The following RPRD1A variants were observed in gnomAD, a reference collection of about 807,000 sequenced individuals.
RPRD1A encodes regulation of nuclear pre-mRNA domain containing 1A.
RPRD1A carries 9 observed loss-of-function variants against 37.8 expected under a neutral mutation model. That is an observed-to-expected ratio of 0.24 (90% CI 0.14 to 0.42). The LOEUF is 0.42. RPRD1A is among the 10% of genes least tolerant of loss of function. The pLI is 1.00. For synonymous variants in RPRD1A, 138 were observed against 139.7 expected, an observed-to-expected ratio of 0.99 and a Z score of 0.08; for missense variants, 255 against 371.0, an observed-to-expected ratio of 0.69 and a Z score of 2.57.
intron 1 of RPRD1A, among the ~76,000 whole-genome samples, chr18:36,035,301 G>C (rs1160844209): frequency 6.9e-6 from 1 of 144,946 alleles, no homozygotes; most frequent in Admixed American, 6.8e-5. Flanking sequence ...CTTTTGAATG[G>C]GTACCTGAAC....
At chr18:36,042,692 G>A (rs894979905) in intron 1 of RPRD1A, among the ~76,000 whole-genome samples, 1 of 152,152 alleles carries the variant, frequency 6.6e-6, no homozygotes, top group Non-Finnish European at 1.5e-5. Flanking sequence ...TGCACAGGAA[G>A]TACAAAGAAA....
intron 6 of RPRD1A, among the ~76,000 whole-genome samples, chr18:36,000,518 G>A (rs994287296): frequency 6.6e-6 from 1 of 152,138 alleles, no homozygotes; most frequent in Non-Finnish European, 1.5e-5. Flanking sequence ...TTTCTGCAAG[G>A]AACCCAATGC....
chr18:36,018,997 T>C (rs1372832981), intron 6 of RPRD1A, among the ~76,000 whole-genome samples: 4 of 151,834 alleles, frequency 2.6e-5, no homozygotes, highest in East Asian at 1.9e-4. Context: ...TTTTAGAACA[T>C]GCTTGATATA....
intron 1 of RPRD1A, among the ~76,000 whole-genome samples, chr18:36,053,741 T>A (rs1913563636): frequency 6.6e-6 from 1 of 152,142 alleles, no homozygotes; most frequent in South Asian, 2.1e-4. Flanking sequence ...GGAGGACAGC[T>A]AGTAGGTAAA....
chr18:36,030,835 A>G lies in RPRD1A; in HGVS notation c.459T>C (p.Ser153=), dbSNP rs764667821. The part of the protein sequence containing the change: ...IKVDENENCS[S]LGSPSEPPQT... ...GTGGTGGTTCACTTGGAGATCCCAG[A>G]GAGGAACAGTTTTCATTTTCATCCA... Residue 153 remains serine, a synonymous_variant, in exon 4 of 7, where the codon TCT becomes TCC. Coordinates refer to ENST00000399022, the MANE Select transcript of RPRD1A (RefSeq NM_018170.5). 1.2e-6 allele frequency: 2 copies of G among 1,612,842 alleles called. No individual in the cohort carries two copies. The highest frequency in any genetic ancestry group is 1.7e-6 in the Non-Finnish European group (2 of 1,179,106).
chr18:36,060,882 T>G (rs1167013053), intron 1 of RPRD1A, among the ~76,000 whole-genome samples: 2 of 152,014 alleles, frequency 1.3e-5, no homozygotes, highest in Non-Finnish European at 2.9e-5. Flanking sequence ...TAGTCCCAGC[T>G]ACTCGGGAGG....
chr18:35,993,542 T>C (rs1908839178), intron 6 of RPRD1A, among the ~76,000 whole-genome samples: 1 of 152,218 alleles, frequency 6.6e-6, no homozygotes, highest in Non-Finnish European at 1.5e-5. Context: ...AAGACTAACA[T>C]TAATGTGCTT....
chr18:36,020,833 CAG>C (rs1216503782), intron 6 of RPRD1A, among the ~76,000 whole-genome samples: 3 of 150,146 alleles, frequency 2.0e-5, no homozygotes, highest in Non-Finnish European at 4.4e-5. Context: ...AAAAAAGTAA[CAG>C]AGAACAGAGC....
At chr18:36,037,738 G>A (rs1439293148) in intron 1 of RPRD1A, among the ~76,000 whole-genome samples, 2 of 152,178 alleles carry the variant, frequency 1.3e-5, no homozygotes, top group South Asian at 2.1e-4. Flanking sequence ...AATGCTGATA[G>A]TGAAGTAGAC....
intron 6 of RPRD1A, among the ~76,000 whole-genome samples, chr18:36,020,587 A>T (rs776628395): frequency 6.6e-6 from 1 of 152,186 alleles, no homozygotes; most frequent in Non-Finnish European, 1.5e-5. Flanking sequence ...AACTGAAGAG[A>T]TGTTCTCTGA....
At chr18:36,017,340 T>C (rs561632743) in intron 6 of RPRD1A, among the ~76,000 whole-genome samples, 1 of 152,264 alleles carries the variant, frequency 6.6e-6, no homozygotes, top group Non-Finnish European at 1.5e-5. Context: ...CCACCCACTG[T>C]AGTTCAGGCT....
chr18:36,035,539 C>A (rs1367617658), intron 1 of RPRD1A, among the ~76,000 whole-genome samples: 1 of 152,074 alleles, frequency 6.6e-6, no homozygotes, highest in Admixed American at 6.5e-5. Context: ...TGCTTCCTGT[C>A]ATAATTAAAA....
In RPRD1A at chr18:36,067,501, TC is replaced by T; in HGVS notation, c.-98del. 7.8e-7 allele frequency: 1 copy of T among 1,282,334 alleles called. No individual in the cohort carries two copies. Among genetic ancestry groups the T allele is most frequent in the Non-Finnish European group, 1.1e-6 (1 of 936,822 alleles). 79.4% of individuals were successfully genotyped at this position (1,282,334 alleles called of 1,614,324 possible). ...CGGCCTCGCCCCCTCACCCCACCCTTCCCCACGCTCTCACCACGGCCGCCGC... is the reference window on the plus strand; with the variant it reads ...CGGCCTCGCCCCCTCACCCCACCCTTCCCACGCTCTCACCACGGCCGCCGC... On this transcript the variant is annotated 5_prime_UTR_variant, in exon 1 of 7. Coordinates refer to ENST00000399022, the MANE Select transcript of RPRD1A (RefSeq NM_018170.5).
intron 1 of RPRD1A, among the ~76,000 whole-genome samples, chr18:36,064,780 T>G (rs1331356324): frequency 6.6e-6 from 1 of 152,152 alleles, no homozygotes; most frequent in African/African-American, 2.4e-5. Context: ...TGTTGAAGAT[T>G]TGTTCTTTCA....
At chr18:36,024,154 C>T (rs1302362131) in intron 6 of RPRD1A, among the ~76,000 whole-genome samples, 2 of 151,646 alleles carry the variant, frequency 1.3e-5, no homozygotes, top group Non-Finnish European at 2.9e-5. Flanking sequence ...TGTGTGTGCA[C>T]GCGCACGCGC....
intron 6 of RPRD1A, among the ~76,000 whole-genome samples, chr18:36,019,891 T>C (rs1434039100): frequency 1.3e-5 from 2 of 152,030 alleles, no homozygotes; most frequent in African/African-American, 4.8e-5. Flanking sequence ...AACACAAAAA[T>C]TAGACAGCCG....
At chr18:36,007,043 T>C (rs946634167) in intron 6 of RPRD1A, among the ~76,000 whole-genome samples, 3 of 152,240 alleles carry the variant, frequency 2.0e-5, no homozygotes, top group Admixed American at 2.0e-4. Flanking sequence ...TTTTTTCTTT[T>C]CTTTACTTTC....
intron 6 of RPRD1A, among the ~76,000 whole-genome samples, chr18:36,007,582 G>C (rs1276592360): frequency 2.6e-5 from 4 of 152,038 alleles, no homozygotes; most frequent in Non-Finnish European, 4.4e-5. Context: ...CAGATTTAAG[G>C]GAAGTTGATA....
At chr18:36,014,990 T>C (rs1047607052) in intron 6 of RPRD1A, among the ~76,000 whole-genome samples, 1 of 152,036 alleles carries the variant, frequency 6.6e-6, no homozygotes, top group Non-Finnish European at 1.5e-5. Flanking sequence ...TCGTGCTCTG[T>C]TGGTGGGAAT....
Sources: allele counts gnomAD v4.1 joint callset (sites outside exome capture counted in the v4.1 genomes callset), GRCh38; gene constraint gnomAD v4.1.1; transcripts MANE v1.5; gene names NCBI Gene and HGNC (gene_info 2026-07-23, HGNC 2026-07-21).